SRRM4: variants seen among roughly 807,000 people sequenced by gnomAD.
SRRM4 encodes serine/arginine repetitive matrix 4.
SRRM4 carries 33 observed loss-of-function variants against 68.9 expected under a neutral mutation model. The ratio of observed to expected loss-of-function variants is 0.48; its 90% confidence interval spans 0.36 to 0.64. The LOEUF is 0.64. Among genes scored for constraint, SRRM4 ranks in the 30% least tolerant of loss-of-function variants. SRRM4 has a pLI of 0.00. For synonymous variants in SRRM4, 318 were observed against 318.8 expected (o/e 1.00, Z 0.03); for missense variants, 817 against 827.1 (o/e 0.99, Z 0.15).
At chr12:119,016,492 C>A (rs531845451) in intron 1 of SRRM4, among the ~76,000 whole-genome samples, 2 of 151,760 alleles carry the variant, frequency 1.3e-5, no homozygotes, top group Admixed American at 6.6e-5. Flanking sequence ...AAAAAATAGA[C>A]TGCTGCATTT....
chr12:118,994,114 T>TTCAC (rs1953334713), intron 1 of SRRM4: 1 of 152,070 alleles, frequency 6.6e-6, no homozygotes, highest in Non-Finnish European at 1.5e-5. Context: ...CGCCTGTGAA[T>TTCAC]ACCTACTGCA....
intron 11 of SRRM4, among the ~76,000 whole-genome samples, 161 bp downstream of exon 11, chr12:119,153,810 C>T (rs542277966): frequency 1.8e-4 from 28 of 152,154 alleles, no homozygotes; most frequent in African/African-American, 6.8e-4. Flanking sequence ...GGAGTGGCAG[C>T]GAGGCATCAA....
chr12:119,107,665 T>G (rs1407258282), intron 2 of SRRM4, among the ~76,000 whole-genome samples: 1 of 152,192 alleles, frequency 6.6e-6, no homozygotes, highest in Non-Finnish European at 1.5e-5. Context: ...GGTGGTGATA[T>G]CCCCTTTATC....
At chr12:119,129,310 T>G (rs981030226) in intron 7 of SRRM4, among the ~76,000 whole-genome samples, 32 of 152,362 alleles carry the variant, frequency 2.1e-4, no homozygotes, top group African/African-American at 7.7e-4. Flanking sequence ...TAATAAGATA[T>G]GCAGAGTCTA....
At chr12:119,038,267 C>G (rs972563199) in intron 1 of SRRM4, among the ~76,000 whole-genome samples, 1 of 151,120 alleles carries the variant, frequency 6.6e-6, no homozygotes. Flanking sequence ...TGCAGTGGCG[C>G]CATCTCAGCT....
chr12:119,065,423 C>T (rs1043553204), intron 1 of SRRM4, among the ~76,000 whole-genome samples: 5 of 152,098 alleles, frequency 3.3e-5, no homozygotes, highest in African/African-American at 1.2e-4. Context: ...CAGTTGACAG[C>T]CCAGAGTAGG....
intron 1 of SRRM4, among the ~76,000 whole-genome samples, chr12:118,983,050 T>G (rs1397436932): frequency 1.3e-5 from 2 of 152,134 alleles, no homozygotes; most frequent in Non-Finnish European, 2.9e-5. Context: ...TTGGAGGATT[T>G]ATTAATCCTG....
At chr12:119,063,681 C>G (rs1953828317) in intron 1 of SRRM4, among the ~76,000 whole-genome samples, 1 of 152,126 alleles carries the variant, frequency 6.6e-6, no homozygotes, top group Admixed American at 6.5e-5. Context: ...AACTACCACA[C>G]AACAATTTTA....
intron 1 of SRRM4, among the ~76,000 whole-genome samples, chr12:119,020,467 G>A (rs1463698571): frequency 2.0e-5 from 3 of 152,162 alleles, no homozygotes; most frequent in Non-Finnish European, 4.4e-5. Flanking sequence ...CCAAGTGTTG[G>A]TAAACCCAGT....
At chr12:119,012,284 A>AT (rs746067576) in intron 1 of SRRM4, among the ~76,000 whole-genome samples, 1 of 152,300 alleles carries the variant, frequency 6.6e-6, no homozygotes, top group South Asian at 2.1e-4. Context: ...AGTCCTCCCC[A>AT]TGGGGGGATG....
At chr12:119,099,418 G>A (rs1366324760) in intron 1 of SRRM4, among the ~76,000 whole-genome samples, 2 of 152,132 alleles carry the variant, frequency 1.3e-5, no homozygotes, top group Admixed American at 6.5e-5. Context: ...ACAGGCATGA[G>A]TGACTATGCC....
chr12:119,097,008 G>A (rs75753406), intron 1 of SRRM4, among the ~76,000 whole-genome samples: 13,843 of 152,058 alleles, frequency 0.091, 708 homozygotes, highest in Middle Eastern at 0.15. Context: ...GAACAGAGCC[G>A]CCGGGAGGCC....
intron 7 of SRRM4, among the ~76,000 whole-genome samples, chr12:119,125,799 T>C (rs913284551): frequency 6.6e-5 from 10 of 151,820 alleles, no homozygotes; most frequent in Non-Finnish European, 1.2e-4. Context: ...TGGGCACCTT[T>C]AATTCCAGCT....
chr12:119,062,273 C>T (rs1953817450), intron 1 of SRRM4, among the ~76,000 whole-genome samples: 1 of 152,194 alleles, frequency 6.6e-6, no homozygotes, highest in Non-Finnish European at 1.5e-5. Flanking sequence ...GGAGTTGCTC[C>T]TGGTGAGCCA....
At position 119,157,096 on chromosome 12, in the gene SRRM4, A is replaced by G. The variant is rs1342245852; in HGVS notation, c.*298A>G. ...AAAACTTCAAGGTTTTGTGAGAAGCAATGGGTCTGTGACTCAAAAATTGAG... is the reference window on the plus strand; with the variant it reads ...AAAACTTCAAGGTTTTGTGAGAAGCGATGGGTCTGTGACTCAAAAATTGAG... On this transcript the variant is annotated 3_prime_UTR_variant, in exon 13 of 13. Transcript: ENST00000267260. The surrounding 1 kb of genome is among the most constrained non-coding windows in gnomAD (Gnocchi z 4.1). 9 of 393,244 alleles carry G rather than the reference A, an allele frequency of 2.3e-5. No homozygotes were observed. The highest frequency in any genetic ancestry group is 1.9e-4 in the African/African-American group (9 of 47,922). 24.4% of individuals were successfully genotyped at this position (393,244 alleles called of 1,614,324 possible).
At chr12:119,137,574 C>A (rs983542915) in intron 8 of SRRM4, among the ~76,000 whole-genome samples, 3 of 123,056 alleles carry the variant, frequency 2.4e-5, no homozygotes, top group African/African-American at 1.0e-4. Flanking sequence ...GGAGATGAGG[C>A]GAGGTTTGGA....
intron 1 of SRRM4, among the ~76,000 whole-genome samples, chr12:119,090,155 A>T (rs942240133): frequency 6.6e-6 from 1 of 152,106 alleles, no homozygotes; most frequent in Non-Finnish European, 1.5e-5. Context: ...TGCCATTTTC[A>T]AGCAGTGATC....
chr12:119,075,518 G>A (rs61937984), intron 1 of SRRM4, among the ~76,000 whole-genome samples: 83,873 of 147,662 alleles, frequency 0.57, 24,311 homozygotes, highest in Middle Eastern at 0.74. Context: ...GATGATGGTG[G>A]TAATGATGGT....
At chr12:119,054,479 A>G (rs1953764951) in intron 1 of SRRM4, among the ~76,000 whole-genome samples, 1 of 152,228 alleles carries the variant, frequency 6.6e-6, no homozygotes, top group African/African-American at 2.4e-5. Context: ...CAGAACTCAA[A>G]TTCAATCAGC....
Sources: gnomAD v4.1 joint callset for allele counts (sites outside exome capture counted in the v4.1 genomes callset) on GRCh38, gnomAD v4.1.1 for gene constraint, Gnocchi (gnomAD v3.1) non-coding constraint, MANE v1.5 for transcripts, NCBI Gene and HGNC (gene_info 2026-07-23, HGNC 2026-07-21) for gene names.